MYLK: variants seen among roughly 807,000 people sequenced by gnomAD.
The protein encoded by MYLK is myosin light chain kinase.
A neutral mutation model predicts 203.4 loss-of-function variants in MYLK; 106 were observed. The observed-to-expected ratio is 0.52, with a 90% CI of 0.45 to 0.61. The LOEUF is 0.61. Among genes scored for constraint, MYLK ranks in the 20% least tolerant of loss-of-function variants. The pLI is 0.00. For synonymous variants in MYLK, 867 were observed against 959.5 expected, an observed-to-expected ratio of 0.90 and a Z score of 1.78; for missense variants, 2,072 against 2,442.3, an observed-to-expected ratio of 0.85 and a Z score of 3.20.
chr3:123,631,258 C>T (rs1378740854), intron 29 of MYLK, among the ~76,000 whole-genome samples: 1 of 152,006 alleles, frequency 6.6e-6, no homozygotes, highest in Non-Finnish European at 1.5e-5. Context: ...ATTAGCTGGG[C>T]ATGGTGGCAA....
At chr3:123,833,648 C>T (rs764459437) in intron 2 of MYLK, among the ~76,000 whole-genome samples, 2 of 152,128 alleles carry the variant, frequency 1.3e-5, no homozygotes, top group African/African-American at 2.4e-5. Flanking sequence ...TACTCTCCTG[C>T]TTCTCAAATA....
At chr3:123,750,372 C>G (rs1269493413) in intron 5 of MYLK, among the ~76,000 whole-genome samples, 1 of 152,192 alleles carries the variant, frequency 6.6e-6, no homozygotes, top group African/African-American at 2.4e-5. Flanking sequence ...AGCCTGATTT[C>G]CTTTCCCCTG....
chr3:123,848,283 T>C (rs564060518), intron 2 of MYLK, among the ~76,000 whole-genome samples: 15 of 151,788 alleles, frequency 9.9e-5, no homozygotes, highest in Non-Finnish European at 2.1e-4. Context: ...TAGGGTTTTA[T>C]CTATATCACT....
intron 2 of MYLK, among the ~76,000 whole-genome samples, chr3:123,838,274 AC>A (rs1185088580): frequency 6.6e-6 from 1 of 152,192 alleles, no homozygotes; most frequent in Non-Finnish European, 1.5e-5. Flanking sequence ...GAAAGAAAGA[AC>A]CCTGTCAATC....
At chr3:123,692,873 G>A in intron 18 of MYLK, 22 bp from the exon 19 acceptor site, 2 of 1,597,990 alleles carry the variant, frequency 1.3e-6, no homozygotes, top group Non-Finnish European at 1.7e-6. Context: ...GAATTGTGGA[G>A]TGAACCAGGT....
intron 14 of MYLK, chr3:123,709,132 T>A: frequency 6.2e-6 from 2 of 322,628 alleles, no homozygotes; most frequent in Non-Finnish European, 5.7e-6. Context: ...AGTTCTCACA[T>A]AATTTTTTTT....
At position 123,618,778 on chromosome 3, in the gene MYLK, A is replaced by T. The variant is rs780420537; in HGVS notation, c.5369-8T>A. 6.2e-6 allele frequency: 10 copies of T among 1,614,016 alleles called. No homozygotes were observed. In the Admixed American group the frequency reaches 1.7e-4, roughly 27 times the overall value. Reference sequence around the variant, plus strand: ...AAGCTTGGGACACATCTTCTAGAAGACAGAGAAGAAGACCAGGTCATTTCT... The same window carrying T: ...AAGCTTGGGACACATCTTCTAGAAGTCAGAGAAGAAGACCAGGTCATTTCT... On this transcript the variant is annotated splice_polypyrimidine_tract_variant and splice_region_variant and intron_variant, in intron 32 of 33. Transcript: ENST00000360304.
chr3:123,696,617 C>T (rs2060939680), intron 18 of MYLK, among the ~76,000 whole-genome samples: 1 of 152,056 alleles, frequency 6.6e-6, no homozygotes, highest in South Asian at 2.1e-4. Context: ...CACCCCCATC[C>T]TGCCCTTCCA....
At chr3:123,683,977 C>G (rs2060361332) in intron 19 of MYLK, among the ~76,000 whole-genome samples, 1 of 152,172 alleles carries the variant, frequency 6.6e-6, no homozygotes, top group South Asian at 2.1e-4. Flanking sequence ...AGTGGACACT[C>G]TTAAGCTCCT....
intron 19 of MYLK, among the ~76,000 whole-genome samples, chr3:123,684,815 C>T (rs1244586906): frequency 6.6e-6 from 1 of 152,224 alleles, no homozygotes; most frequent in African/African-American, 2.4e-5. Context: ...GGATTACTGG[C>T]GTGAGCCACG....
intron 4 of MYLK, among the ~76,000 whole-genome samples, chr3:123,761,746 C>A (rs1218955136): frequency 6.6e-6 from 1 of 152,164 alleles, no homozygotes; most frequent in African/African-American, 2.4e-5. Context: ...TTATTCTCGG[C>A]CAGACGCAGT....
chr3:123,629,903 G>A lies in MYLK; in HGVS notation c.4962-277C>T, dbSNP rs1441095325. ...GATTACGGGCTTCTGCAGGGTACGC[G>A]GCAGGGCTGATAAGTCCCTCTGTCC... On this transcript the variant is annotated intron_variant, in intron 29 of 33. Transcript: ENST00000360304. The surrounding 1 kb of genome is among the most constrained non-coding windows in gnomAD (Gnocchi z 4.4). 3.2e-5 allele frequency: 15 copies of A among 472,328 alleles called. No homozygotes were observed. The highest frequency in any genetic ancestry group is 1.2e-4 in the East Asian group (3 of 24,528). 29.3% of individuals were successfully genotyped at this position (472,328 alleles called of 1,614,324 possible).
At chr3:123,845,377 A>G (rs1233688532) in intron 2 of MYLK, among the ~76,000 whole-genome samples, 3 of 152,204 alleles carry the variant, frequency 2.0e-5, no homozygotes, top group Non-Finnish European at 4.4e-5. Flanking sequence ...CATCATTTAT[A>G]CCCAGGAAAT....
rs542167822 is a variant in MYLK at position 123,729,508 on chromosome 3, C to T, written c.1516+3388G>A. Among the ~76,000 whole-genome samples the T allele has an allele frequency of 2.2e-4, 34 of 152,318 alleles. No homozygotes were observed. The South Asian group carries it at 7.0e-3, about 32-fold the overall frequency. ...GGGTAAAGTATTTGAATAGGCATTT[C>T]TCTGAAGGAGATATACAAATGTCCA... On this transcript the variant is annotated intron_variant, in intron 11 of 33. Transcript: ENST00000360304.
intron 4 of MYLK, among the ~76,000 whole-genome samples, chr3:123,774,318 A>C (rs575847250): frequency 1.3e-5 from 2 of 152,156 alleles, no homozygotes; most frequent in Non-Finnish European, 2.9e-5. Context: ...TTGCAGGGTC[A>C]GTGGAGACTG....
chr3:123,645,137 AGCACTGTGCCCTATATGCATTATT>A (rs1353224482), intron 27 of MYLK, among the ~76,000 whole-genome samples: 1 of 152,240 alleles, frequency 6.6e-6, no homozygotes, highest in Non-Finnish European at 1.5e-5. Flanking sequence ...CCCATTATAG[AGCACTGTGCCCTATATGCATTATT>A]GCATTGAATC....
intron 3 of MYLK, among the ~76,000 whole-genome samples, chr3:123,821,504 A>G (rs1227499974): frequency 6.6e-6 from 1 of 152,240 alleles, no homozygotes; most frequent in Non-Finnish European, 1.5e-5. Context: ...ATAAGTTCCA[A>G]GAAAAACTCC....
chr3:123,750,008 G>A (rs557018162), intron 5 of MYLK, among the ~76,000 whole-genome samples: 26 of 152,332 alleles, frequency 1.7e-4, no homozygotes, highest in African/African-American at 6.0e-4. Context: ...TTTGTAAAGG[G>A]TTGGGCTAGC....
chr3:123,693,902 G>A (rs2060793176), intron 18 of MYLK, among the ~76,000 whole-genome samples: 1 of 152,200 alleles, frequency 6.6e-6, no homozygotes, highest in Non-Finnish European at 1.5e-5. Context: ...TCACACAGGA[G>A]GACAGAGCCA....
Sources: allele counts gnomAD v4.1 joint callset (sites outside exome capture counted in the v4.1 genomes callset), GRCh38; gene constraint gnomAD v4.1.1; non-coding constraint Gnocchi (gnomAD v3.1); transcripts MANE v1.5; gene names NCBI Gene and HGNC (gene_info 2026-07-23, HGNC 2026-07-21).